CLCN4: variants seen among roughly 807,000 people sequenced by gnomAD.
The protein encoded by CLCN4 is Cl-/H+ antiporter 4.
Under a neutral mutation model 41.7 loss-of-function variants are expected in CLCN4, and 1 was observed. The ratio of observed to expected loss-of-function variants is 0.02; its 90% CI spans 0.01 to 0.11. CLCN4 has a LOEUF of 0.11. Ranked by LOEUF, CLCN4 falls within the 10% of genes least tolerant of loss-of-function variation. The pLI, the probability that CLCN4 is intolerant of heterozygous loss-of-function variation, is 1.00. For synonymous variants in CLCN4, 277 were observed against 285.8 expected, an observed-to-expected ratio of 0.97 and a Z score of 0.31; for missense variants, 287 against 661.0, an observed-to-expected ratio of 0.43 and a Z score of 6.20.
intron 2 of CLCN4, among the ~76,000 whole-genome samples, chrX:10,176,028 G>A (rs1465587554): frequency 2.8e-5 from 3 of 105,365 alleles, no homozygotes; most frequent in South Asian, 8.7e-4. Context: ...AAGCTTTAAG[G>A]TTGAAATGTT....
intron 2 of CLCN4, among the ~76,000 whole-genome samples, chrX:10,171,877 C>T (rs929859935): frequency 5.4e-5 from 6 of 111,794 alleles, no homozygotes; most frequent in African/African-American, 6.5e-5. Context: ...AGAGACTCAG[C>T]GCCTGGGATT....
intron 3 of CLCN4, 100 bp downstream of exon 3, chrX:10,185,276 T>G (rs1369980622): frequency 1.7e-5 from 15 of 899,546 alleles, no homozygotes; most frequent in Middle Eastern, 6.6e-4. Flanking sequence ...TGTCATGTGC[T>G]GGGTTAGGGT....
chrX:10,224,796 T>C (rs1328519171), intron 12 of CLCN4, among the ~76,000 whole-genome samples: 1 of 111,714 alleles, frequency 9.0e-6, no homozygotes, highest in African/African-American at 3.3e-5. Context: ...CCTGTGTCCA[T>C]GTGTTCTCAT....
At chrX:10,209,199 CAG>C (rs1924473142) in intron 9 of CLCN4, among the ~76,000 whole-genome samples, 2 of 110,255 alleles carry the variant, frequency 1.8e-5, no homozygotes, top group Admixed American at 9.7e-5. Flanking sequence ...CTGGGCATGA[CAG>C]GGGCTCTTTG....
intron 2 of CLCN4, among the ~76,000 whole-genome samples, chrX:10,184,019 C>G (rs899758317): frequency 6.3e-5 from 7 of 111,929 alleles, no homozygotes; most frequent in African/African-American, 2.3e-4. Flanking sequence ...ATTGCCTGGG[C>G]TCCCACCAAC....
At chrX:10,184,609 T>G (rs1210452012) in intron 2 of CLCN4, among the ~76,000 whole-genome samples, 2 of 112,262 alleles carry the variant, frequency 1.8e-5, no homozygotes, top group Non-Finnish European at 3.8e-5. Context: ...GTAGGAGGGC[T>G]GTGACATGTT....
At chrX:10,228,114 T>G (rs1330028221) in intron 12 of CLCN4, among the ~76,000 whole-genome samples, 1 of 110,943 alleles carries the variant, frequency 9.0e-6, no homozygotes, top group Non-Finnish European at 1.9e-5. Context: ...TAGTTATTTT[T>G]AAATGTACAG....
Position 10,198,024 on chromosome X carries a change from T to C in CLCN4, c.518T>C (p.Val173Ala), listed in dbSNP as rs768128707. The change falls in exon 6 of 13, where the codon GTA becomes GCA. Residue 173 changes from valine to alanine, a missense_variant. This residue lies in a region of CLCN4 where 90 missense variants were observed against 209.8 expected (regional missense o/e 0.43). Coordinates refer to ENST00000380833, the MANE Select transcript of CLCN4 (RefSeq NM_001830.4). ...TTTTTGGCTGTCTCCCTGGTGCGTG[T>C]ATTTGCACCATATGCCTGTGGCTCT... ...FAFLAVSLVR[V>A]FAPYACGSGI... is the part of the protein sequence containing the mutation. The C allele has an allele frequency of 8.3e-7, 1 of 1,211,356 alleles. No individual in the cohort carries two copies. Among genetic ancestry groups the C allele is most frequent in the East Asian group, 3.0e-5 (1 of 33,838 alleles).
At chrX:10,194,154 T>C (rs187366362) in intron 4 of CLCN4, among the ~76,000 whole-genome samples, 4,468 of 109,288 alleles carry the variant, frequency 0.041, 227 homozygotes, top group African/African-American at 0.14. Flanking sequence ...TGGATGCTTT[T>C]GGTGAGGATG....
intron 2 of CLCN4, among the ~76,000 whole-genome samples, chrX:10,173,554 C>A (rs1352544427): frequency 1.8e-5 from 2 of 111,474 alleles, no homozygotes; most frequent in Non-Finnish European, 3.8e-5. Flanking sequence ...ACTGCTTAAT[C>A]TCCTCCCTCT....
intron 9 of CLCN4, among the ~76,000 whole-genome samples, chrX:10,210,204 A>C (rs1019399077): frequency 8.9e-5 from 10 of 112,256 alleles, no homozygotes; most frequent in Admixed American, 8.5e-4. Context: ...ATTCCATTCT[A>C]TGGAGATCCC....
intron 2 of CLCN4, among the ~76,000 whole-genome samples, chrX:10,172,940 A>T (rs770950263): frequency 1.8e-5 from 2 of 111,662 alleles, no homozygotes; most frequent in Non-Finnish European, 3.8e-5. Context: ...TAAGCATGTT[A>T]TGTTATTCGA....
chrX:10,187,438 C>T (rs927210927), intron 3 of CLCN4, 77 bp from the exon 4 acceptor site: 12 of 733,805 alleles, frequency 1.6e-5, no homozygotes, highest in Middle Eastern at 5.9e-4. Flanking sequence ...CCCTGTTTCC[C>T]GAGGAAACAG....
chrX:10,165,652 ATC>A (rs1449796711), intron 2 of CLCN4, among the ~76,000 whole-genome samples: 2 of 111,581 alleles, frequency 1.8e-5, no homozygotes, highest in Non-Finnish European at 3.8e-5. Flanking sequence ...GTGTCCTCCT[ATC>A]TCTTGGCTCT....
chrX:10,222,386 C>T (rs1156330779), intron 12 of CLCN4, among the ~76,000 whole-genome samples: 1 of 111,568 alleles, frequency 9.0e-6, no homozygotes, highest in Non-Finnish European at 1.9e-5. Context: ...GGAATGGGTT[C>T]TGGAGACATT....
chrX:10,190,607 A>G lies in CLCN4; in HGVS notation c.244+2993A>G, dbSNP rs188646925. Among the ~76,000 whole-genome samples the G allele has an allele frequency of 4.5e-5, 5 of 111,975 alleles. No homozygotes were observed. In the East Asian group the frequency reaches 1.4e-3, roughly 31 times the overall value. On this transcript the variant is annotated intron_variant, in intron 4 of 12. Transcript: ENST00000380833. The stretch of plus-strand genomic sequence containing the variant: ...ACTCTGCAAACTAGCATTAAGCGGA[A>G]CCAAGCTTGCATCCAGGATTTCATG...
chrX:10,195,093 T>C lies in CLCN4; in HGVS notation c.427T>C (p.Ser143Pro). 8.3e-7 allele frequency: 1 copy of C among 1,210,847 alleles called. No homozygotes were observed. Among genetic ancestry groups the C allele is most frequent in the Non-Finnish European group, 1.1e-6 (1 of 894,850 alleles). Residue 143 changes from serine (S) to proline (P), a missense_variant, in exon 5 of 13, where the codon TCA becomes CCA. Ser to Pro is a moderately conservative substitution (Grantham distance 74). Coordinates refer to ENST00000380833, the MANE Select transcript of CLCN4 (RefSeq NM_001830.4). Reference sequence around the variant, plus strand: ...ATGGTCGGAGCTGCTGGTGAATCAGTCAGAGGTGGGTATTTGGGCAGGGTC... The same window carrying C: ...ATGGTCGGAGCTGCTGGTGAATCAGCCAGAGGTGGGTATTTGGGCAGGGTC... ...QKWSELLVNQ[S>P]EGASAYILNY...
Position 10,208,103 on chromosome X carries a change from C to T in CLCN4, c.902C>T (p.Ala301Val), listed in dbSNP as rs1432210759. 3 of 1,209,306 alleles carry T rather than the reference C, an allele frequency of 2.5e-6. No individual in the cohort carries two copies. Among genetic ancestry groups the T allele is most frequent in the Non-Finnish European group, 3.4e-6 (3 of 894,685 alleles). Residue 301 changes from alanine to valine, a missense_variant, in exon 9 of 13, where the codon GCG (alanine) becomes GTG (valine). By Grantham distance (64) the Ala-to-Val change is moderately conservative (BLOSUM62 0). Transcript: ENST00000380833. Reference protein sequence around the residue: ...LWRSFFAALVAAFTLRSINPF... With the variant: ...LWRSFFAALVVAFTLRSINPF... ...AGGTCATTTTTCGCAGCCCTGGTGG[C>T]GGCCTTTACGCTGAGATCCATCAAT...
rs760315418 is a variant in CLCN4 at position 10,191,692 on chromosome X, A to ATTTTTTTTTTTTTT, written c.245-3204_245-3191dup. 3.8e-4 allele frequency among the ~76,000 whole-genome samples: 19 copies of ATTTTTTTTTTTTTT among 49,770 alleles called. 2 individuals carry two copies. Among genetic ancestry groups the ATTTTTTTTTTTTTT allele is most frequent in the African/African-American group, 1.7e-3 (18 of 10,846 alleles). The allele number at this position is 49,770 out of a possible 115,157, so 43.2% of individuals were successfully genotyped here. On this transcript the variant is annotated intron_variant, in intron 4 of 12. Coordinates refer to ENST00000380833, the MANE Select transcript of CLCN4 (RefSeq NM_001830.4). ...AGGCGCGTGCCACCATATCTGGTTA[A>ATTTTTTTTTTTTTT]TTTTTTTTTTTTTTTTTTTTTTTTT...
Sources: allele counts gnomAD v4.1 joint callset (sites outside exome capture counted in the v4.1 genomes callset), GRCh38; gene constraint gnomAD v4.1.1; regional missense constraint gnomAD v4.1.1; transcripts MANE v1.5; gene names NCBI Gene and HGNC (gene_info 2026-07-23, HGNC 2026-07-21).